The following CASP2 variants were observed in gnomAD, a reference collection of about 807,000 sequenced individuals.
The protein encoded by CASP2 is caspase 2.
In CASP2, 38 loss-of-function variants were observed where a neutral mutation model predicts 54.4. The ratio of observed to expected loss-of-function variants is 0.70; its 90% CI spans 0.54 to 0.92. The LOEUF (loss-of-function observed/expected upper bound fraction) is 0.92. Among genes scored for constraint, CASP2 ranks in the 40% least tolerant of loss-of-function variants. The pLI, the probability that CASP2 is intolerant of heterozygous loss-of-function variation, is 0.00. For missense variants in CASP2, 512 were observed against 579.6 expected, an observed-to-expected ratio of 0.88 and a Z score of 1.20; for synonymous variants, 215 against 216.3, an observed-to-expected ratio of 0.99 and a Z score of 0.05.
chr7:143,294,408 A>G lies in CASP2; in HGVS notation c.570+84A>G, dbSNP rs1586457955. ...GAACCTGAACTTAGTTTGCATGTAC[A>G]TTTCCTTTCTGCCTTATTAGTCAGA... On this transcript the variant is annotated intron_variant, in intron 5 of 10. Coordinates refer to ENST00000310447, the MANE Select transcript of CASP2 (RefSeq NM_032982.4). 6.4e-6 allele frequency: 7 copies of G among 1,098,222 alleles called. No homozygotes were observed. The East Asian group carries it at 1.6e-4, about 26-fold the overall frequency. 68.0% of individuals were successfully genotyped at this position (1,098,222 alleles called of 1,614,324 possible).
At chr7:143,295,243 GT>G (rs1399785244) in intron 6 of CASP2, among the ~76,000 whole-genome samples, 3 of 152,150 alleles carry the variant, frequency 2.0e-5, no homozygotes, top group Non-Finnish European at 4.4e-5. Flanking sequence ...GGCCAGGCTG[GT>G]CTCAAACTCC....
At chr7:143,298,643 T>C (rs1445411047) in intron 6 of CASP2, 2 of 152,122 alleles carry the variant, frequency 1.3e-5, no homozygotes, top group Non-Finnish European at 1.5e-5. Flanking sequence ...AAGTTCATCA[T>C]CAATATGGTA....
intron 4 of CASP2, among the ~76,000 whole-genome samples, chr7:143,292,971 A>C (rs4647294): frequency 3.7e-4 from 57 of 152,286 alleles, no homozygotes; most frequent in African/African-American, 1.3e-3. Context: ...ACACGGTGCC[A>C]CCGCACTCCA....
At chr7:143,297,422 G>T (rs941967257) in intron 6 of CASP2, among the ~76,000 whole-genome samples, 3 of 151,916 alleles carry the variant, frequency 2.0e-5, no homozygotes, top group Non-Finnish European at 2.9e-5. Flanking sequence ...CTCGTGATTC[G>T]GTGCCCAGGT....
At position 143,292,468 on chromosome 7, in the gene CASP2, G is replaced by C. The variant is rs774984141; in HGVS notation, c.393+1G>C. 3.7e-6 allele frequency: 6 copies of C among 1,614,134 alleles called. No homozygotes were observed. The Admixed American group carries it at 1.0e-4, about 27-fold the overall frequency. On this transcript the variant is annotated splice_donor_variant, in intron 3 of 10. Transcript: ENST00000310447. LOFTEE classifies it high-confidence loss of function. ...TGGGCTTCAGCATGTACTCCCACCG[G>C]TATGAAGCTTTAGTAATATGGGGTG... is the stretch of plus-strand genomic sequence containing the variant.
intron 4 of CASP2, among the ~76,000 whole-genome samples, chr7:143,294,003 G>T (rs538819491): frequency 2.6e-5 from 4 of 152,150 alleles, no homozygotes; most frequent in Non-Finnish European, 5.9e-5. Flanking sequence ...TAGCCCATTC[G>T]GTCATTCAGC....
At chr7:143,297,992 A>G (rs1801806232) in intron 6 of CASP2, among the ~76,000 whole-genome samples, 1 of 152,238 alleles carries the variant, frequency 6.6e-6, no homozygotes, top group Non-Finnish European at 1.5e-5. Context: ...AGACTTTCAA[A>G]TATTTTATGT....
chr7:143,303,700 A>G (rs1801987547), intron 8 of CASP2, 84 bp from the exon 9 acceptor site: 1 of 1,240,272 alleles, frequency 8.1e-7, no homozygotes, highest in Admixed American at 1.8e-5. Flanking sequence ...TCAAGGTTGT[A>G]GGGAACGTGG....
chr7:143,293,853 A>G (rs1801663370), intron 4 of CASP2, among the ~76,000 whole-genome samples: 2 of 152,142 alleles, frequency 1.3e-5, no homozygotes. Context: ...TTTTGTGATA[A>G]TTGGGCCTTT....
At chr7:143,297,031 T>A (rs1190270682) in intron 6 of CASP2, among the ~76,000 whole-genome samples, 2 of 152,242 alleles carry the variant, frequency 1.3e-5, no homozygotes, top group Non-Finnish European at 1.5e-5. Flanking sequence ...ATTGTTTTTT[T>A]AGCTTGCATT....
At chr7:143,292,490 G>A (rs1198876123) in intron 3 of CASP2, 23 bp downstream of exon 3, 3 of 1,613,602 alleles carry the variant, frequency 1.9e-6, no homozygotes, top group African/African-American at 1.3e-5. Flanking sequence ...AGTAATATGG[G>A]GTGTTGGGAA....
chr7:143,299,307 C>T (rs1349554992), intron 6 of CASP2, among the ~76,000 whole-genome samples: 1 of 152,132 alleles, frequency 6.6e-6, no homozygotes, highest in Admixed American at 6.5e-5. Flanking sequence ...AGGTTCAAAC[C>T]TAGATTAATC....
At chr7:143,301,084 A>G (rs1351068745) in intron 8 of CASP2, 1 of 224,002 alleles carries the variant, frequency 4.5e-6, no homozygotes, top group African/African-American at 2.4e-5. Context: ...TAGTCCTTGT[A>G]CCTACTTCAT....
chr7:143,292,506 A>G, intron 3 of CASP2, 39 bp downstream of exon 3: 2 of 1,612,358 alleles, frequency 1.2e-6, no homozygotes, highest in Non-Finnish European at 1.7e-6. Flanking sequence ...GGGAAGGGTT[A>G]GTTTGACTGG....
chr7:143,288,571 G>A, intron 1 of CASP2, 42 bp downstream of exon 1: 1 of 1,542,618 alleles, frequency 6.5e-7, no homozygotes, highest in Non-Finnish European at 8.9e-7. Context: ...GGGAGCCCAG[G>A]GAAGGGGAGC....
Position 143,294,309 on chromosome 7 carries a change from AAC to A in CASP2, c.560_561del (p.His187LeufsTer6), listed in dbSNP as rs1801677859. On this transcript the variant is annotated frameshift_variant, in exon 5 of 11. Transcript: ENST00000310447. LOFTEE classifies it high-confidence loss of function. ...VKPCTPEFYQ[T>X]HFQLAYRLQS... ...AGCCTTGCACTCCTGAATTTTATCA[AAC>A]ACACTTCCAGCTGGTGAGTTTTTGC... The A allele has an allele frequency of 1.2e-6, 2 of 1,608,392 alleles. No homozygotes were observed. The highest frequency in any genetic ancestry group is 1.7e-5 in the Admixed American group (1 of 60,002).
In CASP2 at chr7:143,301,460, A is replaced by G. The variant is rs1195090585; in HGVS notation, c.967+1166A>G. ...AGTTACTCAGGAAAATAAAGTAAAT[A>G]TACATGAAGTAGCTTAAGACTAGTT... On this transcript the variant is annotated intron_variant, in intron 8 of 10. Transcript: ENST00000310447. 3 of 152,200 alleles carry G rather than the reference A, an allele frequency of 2.0e-5. No homozygotes were observed. In the East Asian group the frequency reaches 5.8e-4, roughly 29 times the overall value. 9.4% of individuals were successfully genotyped at this position (152,200 alleles called of 1,614,324 possible). A position where few individuals can be genotyped will look rare whatever the true frequency, so the allele number is the denominator to read the frequency against.
Position 143,300,233 on chromosome 7 carries a change from C to T in CASP2, c.906C>T (p.Asn302=), listed in dbSNP as rs750534880. 61 of 1,614,030 alleles carry T rather than the reference C, an allele frequency of 3.8e-5. No individual in the cohort carries two copies. The highest frequency in any genetic ancestry group is 8.9e-5 in the East Asian group (4 of 44,888). Residue 302 remains asparagine, a synonymous_variant, in exon 8 of 11, where the codon AAC becomes AAT. Coordinates refer to ENST00000310447, the MANE Select transcript of CASP2 (RefSeq NM_032982.4). ...QLQEVFQLFD[N]ANCPSLQNKP... ...AAGAGGTTTTTCAGCTCTTTGACAA[C>T]GCCAACTGCCCAAGCCTACAGAACA...
intron 4 of CASP2, among the ~76,000 whole-genome samples, chr7:143,293,512 GTT>G (rs869216617): frequency 7.0e-6 from 1 of 142,266 alleles, no homozygotes. Context: ...GTGGTTTTTT[GTT>G]TTTTTTTTTT....
Sources: gnomAD v4.1 joint callset for allele counts (sites outside exome capture counted in the v4.1 genomes callset) on GRCh38, gnomAD v4.1.1 for gene constraint, MANE v1.5 for transcripts, NCBI Gene and HGNC (gene_info 2026-07-23, HGNC 2026-07-21) for gene names.